Variants in AGFG1 observed in about 807,000 individuals in gnomAD.
AGFG1 encodes the protein arf-GAP domain and FG repeat-containing protein 1.
In AGFG1, 10 loss-of-function variants were observed where a neutral mutation model predicts 60.6. That is an observed-to-expected ratio of 0.16 (90% CI 0.10 to 0.28). The LOEUF is 0.28. AGFG1 is among the 10% of genes least tolerant of loss of function. The pLI, the probability that AGFG1 is intolerant of heterozygous loss-of-function variation, is 1.00. For synonymous variants in AGFG1, 247 were observed against 242.9 expected (o/e 1.02, Z -0.16); for missense variants, 537 against 676.5 (o/e 0.79, Z 2.29).
At chr2:227,491,821 A>G (rs192691623) in intron 2 of AGFG1, among the ~76,000 whole-genome samples, 181 bp downstream of exon 2, 15 of 152,342 alleles carry the variant, frequency 9.8e-5, no homozygotes, top group Non-Finnish European at 2.2e-4. Flanking sequence ...AATGTTTACT[A>G]CATAAACACT....
rs1478441220 is a variant in AGFG1 at position 227,557,263 on chromosome 2, G to T, written c.*2768G>T. 6.6e-6 allele frequency: 1 copy of T among 152,034 alleles called. No homozygotes were observed. Among genetic ancestry groups the T allele is most frequent in the African/African-American group, 2.4e-5 (1 of 41,394 alleles). 9.4% of individuals were successfully genotyped at this position (152,034 alleles called of 1,614,324 possible). On this transcript the variant is annotated 3_prime_UTR_variant, in exon 13 of 13. Transcript: ENST00000310078. ...TAAAGACATTTTTTCCCCATTTTTT[G>T]AAATAGAGAATATTTTATTATTTTT... is the stretch of plus-strand genomic sequence containing the variant.
intron 10 of AGFG1, among the ~76,000 whole-genome samples, chr2:227,548,237 G>A (rs1162661695): frequency 1.3e-5 from 2 of 152,128 alleles, no homozygotes; most frequent in Non-Finnish European, 2.9e-5. Context: ...TTTTGAGGGG[G>A]ATGAAAATAT....
In AGFG1 at chr2:227,558,946, T is replaced by C. The variant is rs550202672; in HGVS notation, c.*4451T>C. 6 of 152,346 alleles carry C rather than the reference T, an allele frequency of 3.9e-5. No homozygotes were observed. In the South Asian group the frequency reaches 8.3e-4, roughly 21 times the overall value. The allele number at this position is 152,346 out of a possible 1,614,324, so 9.4% of individuals were successfully genotyped here. A position where few individuals can be genotyped will look rare whatever the true frequency, so the allele number is the denominator to read the frequency against. ...CTCATTAATTAAATGTATTGGTCAT[T>C]TGATGATTATATCCAGTATTTGGAG... On this transcript the variant is annotated 3_prime_UTR_variant, in exon 13 of 13. Coordinates refer to ENST00000310078, the MANE Select transcript of AGFG1 (RefSeq NM_004504.5).
chr2:227,476,517 A>G (rs1358829511), intron 1 of AGFG1, among the ~76,000 whole-genome samples: 3 of 152,254 alleles, frequency 2.0e-5, no homozygotes, highest in Non-Finnish European at 2.9e-5. Context: ...AGAGGTTGCC[A>G]CTTTAATACC....
intron 2 of AGFG1, among the ~76,000 whole-genome samples, chr2:227,514,772 C>A (rs537184364): frequency 6.6e-6 from 1 of 152,246 alleles, no homozygotes; most frequent in Admixed American, 6.5e-5. Context: ...AAAACCAATT[C>A]CATTGTTGCA....
intron 10 of AGFG1, among the ~76,000 whole-genome samples, chr2:227,548,800 G>A (rs1356920546): frequency 1.3e-5 from 2 of 152,168 alleles, no homozygotes; most frequent in Non-Finnish European, 2.9e-5. Context: ...AGCTGGGCAT[G>A]GTGGTGGGCA....
chr2:227,483,827 A>G (rs1690539403), intron 1 of AGFG1, among the ~76,000 whole-genome samples: 1 of 152,208 alleles, frequency 6.6e-6, no homozygotes, highest in African/African-American at 2.4e-5. Context: ...ATCTAGGGCT[A>G]GGTTGTATGG....
chr2:227,520,579 A>G (rs924517950), intron 3 of AGFG1, among the ~76,000 whole-genome samples: 4 of 152,214 alleles, frequency 2.6e-5, no homozygotes, highest in African/African-American at 9.6e-5. Flanking sequence ...GGGAGCATTT[A>G]CTTTTCCCTA....
At chr2:227,549,092 G>A (rs1001593724) in intron 10 of AGFG1, among the ~76,000 whole-genome samples, 21 of 151,378 alleles carry the variant, frequency 1.4e-4, no homozygotes, top group African/African-American at 4.9e-4. Context: ...TTATTGCAAA[G>A]CACTCTAATT....
intron 1 of AGFG1, among the ~76,000 whole-genome samples, chr2:227,474,443 C>T (rs1043210635): frequency 3.9e-5 from 6 of 152,168 alleles, no homozygotes; most frequent in Non-Finnish European, 5.9e-5. Context: ...TTCCTAGATA[C>T]CACATTTCAG....
At position 227,554,535 on chromosome 2, in the gene AGFG1, TCACATTACATCTCTC is replaced by T; in HGVS notation, c.*44_*58del. The T allele has an allele frequency of 1.4e-6, 2 of 1,466,596 alleles. No individual in the cohort carries two copies. Among genetic ancestry groups the T allele is most frequent in the Non-Finnish European group, 1.9e-6 (2 of 1,050,044 alleles). 90.8% of individuals were successfully genotyped at this position (1,466,596 alleles called of 1,614,324 possible). ...TTTACTGGAACGAACTTTTATGTGG[TCACATTACATCTCTC>T]CACCTCTTGCACTGTTGTCTTGTTT... On this transcript the variant is annotated 3_prime_UTR_variant, in exon 13 of 13. Coordinates refer to ENST00000310078, the MANE Select transcript of AGFG1 (RefSeq NM_004504.5).
chr2:227,538,732 A>G (rs1033000382), intron 10 of AGFG1, among the ~76,000 whole-genome samples: 12 of 152,342 alleles, frequency 7.9e-5, no homozygotes, highest in Admixed American at 2.6e-4. Context: ...AGTTGGTTCT[A>G]TCATTAGAGT....
At chr2:227,517,334 C>T (rs933316850) in intron 2 of AGFG1, among the ~76,000 whole-genome samples, 2 of 152,186 alleles carry the variant, frequency 1.3e-5, no homozygotes, top group Non-Finnish European at 2.9e-5. Context: ...GGCGCAATCT[C>T]GGCTCACTGC....
intron 6 of AGFG1, among the ~76,000 whole-genome samples, chr2:227,532,421 C>G (rs1692190749): frequency 6.6e-6 from 1 of 152,016 alleles, no homozygotes; most frequent in Admixed American, 6.6e-5. Flanking sequence ...AAATAATATT[C>G]TTTATATAAA....
At chr2:227,544,245 C>T (rs1305137555) in intron 10 of AGFG1, among the ~76,000 whole-genome samples, 1 of 148,256 alleles carries the variant, frequency 6.7e-6, no homozygotes, top group Non-Finnish European at 1.5e-5. Flanking sequence ...GGCTCCGCCT[C>T]CTGGGTTCAC....
chr2:227,510,429 C>G (rs1401298337), intron 2 of AGFG1, among the ~76,000 whole-genome samples: 1 of 152,114 alleles, frequency 6.6e-6, no homozygotes, highest in East Asian at 1.9e-4. Context: ...GTAGTGGGCT[C>G]TGTGCAGGCT....
chr2:227,513,695 T>C (rs2106197497), intron 2 of AGFG1, among the ~76,000 whole-genome samples: 1 of 152,356 alleles, frequency 6.6e-6, no homozygotes, highest in African/African-American at 2.4e-5. Flanking sequence ...GTGCCATCCA[T>C]TTCTATAGTA....
At chr2:227,505,115 AATT>A (rs1362665868) in intron 2 of AGFG1, among the ~76,000 whole-genome samples, 3 of 152,102 alleles carry the variant, frequency 2.0e-5, no homozygotes, top group Non-Finnish European at 4.4e-5. Flanking sequence ...GCTGTTATAT[AATT>A]ATTATGTCTT....
intron 1 of AGFG1, among the ~76,000 whole-genome samples, chr2:227,473,306 T>C (rs1690174291): frequency 6.6e-6 from 1 of 152,138 alleles, no homozygotes; most frequent in Non-Finnish European, 1.5e-5. Context: ...ATTTTAGTTT[T>C]ATGGTCCGAA....
Sources: allele counts gnomAD v4.1 joint callset (sites outside exome capture counted in the v4.1 genomes callset), GRCh38; gene constraint gnomAD v4.1.1; transcripts MANE v1.5; gene names NCBI Gene and HGNC (gene_info 2026-07-23, HGNC 2026-07-21).